DNAH9: variants seen among roughly 807,000 people sequenced by gnomAD.
DNAH9 encodes dynein axonemal heavy chain 9.
A neutral mutation model predicts 471.6 loss-of-function variants in DNAH9; 345 were observed. The observed-to-expected ratio is 0.73, with a 90% CI of 0.67 to 0.80. DNAH9 has a LOEUF of 0.80. Ranked by LOEUF, DNAH9 falls within the 30% of genes least tolerant of loss-of-function variation. The probability of loss-of-function intolerance (pLI) is 0.00; values close to 1 mark genes in which losing one functional copy is unlikely to be tolerated. For synonymous variants in DNAH9, 2,093 were observed against 2,123.6 expected (o/e 0.99, Z 0.40); for missense variants, 5,407 against 5,609.2 (o/e 0.96, Z 1.15).
chr17:11,969,317 G>C lies in DNAH9; in HGVS notation c.13251G>C (p.Glu4417Asp). The change falls in exon 69 of 69, where the codon GAG becomes GAC. Residue 4417 changes from glutamate to aspartate, a missense_variant. Transcript: ENST00000262442. ...ATCCTCAGGCTGGGATCATTACAGA[G>C]GCAAAGCTGAAGGATCTGACACCCC... ...CWDTQAGIIT[E>D]AKLKDLTPPM... 6.2e-7 allele frequency: 1 copy of C among 1,613,998 alleles called. No homozygotes were observed. The highest frequency in any genetic ancestry group is 8.5e-7 in the Non-Finnish European group (1 of 1,180,000).
intron 62 of DNAH9, among the ~76,000 whole-genome samples, chr17:11,929,479 G>A (rs1974435712): frequency 6.6e-6 from 1 of 152,148 alleles, no homozygotes; most frequent in Non-Finnish European, 1.5e-5. Flanking sequence ...ATTTTAAGAA[G>A]CCCTTCAGGT....
At chr17:11,704,493 G>C in intron 25 of DNAH9, 51 bp downstream of exon 25, 1 of 1,586,956 alleles carries the variant, frequency 6.3e-7, no homozygotes, top group Non-Finnish European at 8.6e-7. Flanking sequence ...GCTACACTGA[G>C]AACAGCACAT....
chr17:11,604,054 G>A (rs573953352), intron 1 of DNAH9, among the ~76,000 whole-genome samples: 21 of 148,296 alleles, frequency 1.4e-4, no homozygotes, highest in African/African-American at 4.5e-4. Flanking sequence ...ATGAAGTCTC[G>A]CACTGTCACC....
intron 28 of DNAH9, among the ~76,000 whole-genome samples, chr17:11,738,318 T>G (rs1233835475): frequency 6.6e-6 from 1 of 152,186 alleles, no homozygotes; most frequent in Non-Finnish European, 1.5e-5. Context: ...AAACACCTGT[T>G]TGCTGTTCCC....
At chr17:11,838,848 G>A (rs8081898) in intron 49 of DNAH9, among the ~76,000 whole-genome samples, 73,934 of 151,950 alleles carry the variant, frequency 0.49, 18,730 homozygotes, top group African/African-American at 0.6. Flanking sequence ...CTCCTCGACT[G>A]TCTTTAAACC....
chr17:11,832,557 C>G (rs562117506), intron 48 of DNAH9, among the ~76,000 whole-genome samples: 5 of 152,350 alleles, frequency 3.3e-5, no homozygotes, highest in Non-Finnish European at 2.9e-5. Context: ...TTCTAGGGAG[C>G]AGGCCTCCGT....
chr17:11,854,887 G>C (rs1379680045), intron 50 of DNAH9, among the ~76,000 whole-genome samples: 1 of 152,106 alleles, frequency 6.6e-6, no homozygotes, highest in African/African-American at 2.4e-5. Context: ...TGACTTAGTG[G>C]GTGGCCCCTA....
chr17:11,740,331 G>A (rs1050207138), intron 29 of DNAH9, among the ~76,000 whole-genome samples: 11 of 152,162 alleles, frequency 7.2e-5, no homozygotes, highest in Admixed American at 1.3e-4. Flanking sequence ...CAGACTGGGC[G>A]GCCTAAACAG....
At position 11,682,228 on chromosome 17, in the gene DNAH9, T is replaced by C. The variant is rs1389839081; in HGVS notation, c.3743+1339T>C. 2.0e-5 allele frequency among the ~76,000 whole-genome samples: 3 copies of C among 152,164 alleles called. No homozygotes were observed. In the East Asian group the frequency reaches 5.9e-4, roughly 30 times the overall value. On this transcript the variant is annotated intron_variant, in intron 19 of 68. Coordinates refer to ENST00000262442, the MANE Select transcript of DNAH9 (RefSeq NM_001372.4). ...CTCTTAACATACTCATCTTACTCTC[T>C]GTAACTCCAAGCATAATGCTTGGGA... is the stretch of plus-strand genomic sequence containing the variant.
chr17:11,930,110 G>A lies in DNAH9; in HGVS notation c.12105+17G>A. The A allele has an allele frequency of 1.2e-6, 2 of 1,605,724 alleles. No individual in the cohort carries two copies. Among genetic ancestry groups the A allele is most frequent in the Non-Finnish European group, 1.7e-6 (2 of 1,174,728 alleles). ...TTCACTCAGGTACGGCCCCGGGAGG[G>A]AGGCAAAAACAGCAGCACACCTCAC... is the stretch of plus-strand genomic sequence containing the variant. On this transcript the variant is annotated intron_variant, in intron 63 of 68. Coordinates refer to ENST00000262442, the MANE Select transcript of DNAH9 (RefSeq NM_001372.4).
chr17:11,749,466 T>A (rs1054985403), intron 32 of DNAH9, among the ~76,000 whole-genome samples: 1 of 152,056 alleles, frequency 6.6e-6, no homozygotes, highest in African/African-American at 2.4e-5. Flanking sequence ...CTATTCTTTG[T>A]CTATAGACAC....
chr17:11,703,116 A>G (rs2074633709), intron 24 of DNAH9, among the ~76,000 whole-genome samples: 1 of 151,840 alleles, frequency 6.6e-6, no homozygotes, highest in African/African-American at 2.4e-5. Context: ...AGAAAAGAAA[A>G]GAAAGTATTC....
At chr17:11,736,928 T>C (rs1315118046) in intron 28 of DNAH9, among the ~76,000 whole-genome samples, 2 of 152,310 alleles carry the variant, frequency 1.3e-5, no homozygotes, top group Middle Eastern at 6.8e-3. Context: ...CACTCCCTAA[T>C]AAGGCGAGTG....
At chr17:11,863,346 C>A (rs1294617033) in intron 50 of DNAH9, among the ~76,000 whole-genome samples, 3 of 152,068 alleles carry the variant, frequency 2.0e-5, no homozygotes, top group African/African-American at 7.2e-5. Context: ...TATATTGAAC[C>A]AGCCTTGCAT....
intron 62 of DNAH9, among the ~76,000 whole-genome samples, chr17:11,929,091 G>GTGGC (rs1974420824): frequency 7.0e-6 from 1 of 143,238 alleles, no homozygotes. Flanking sequence ...CTGGAGTGCA[G>GTGGC]TGGCGTGATC....
chr17:11,704,939 A>T, intron 25 of DNAH9, 86 bp from the exon 26 acceptor site: 1 of 1,105,362 alleles, frequency 9.0e-7, no homozygotes, highest in Non-Finnish European at 1.4e-6. Context: ...GTCAACAGCC[A>T]AGGCATCAGA....
At chr17:11,933,529 C>T (rs1169374855) in intron 64 of DNAH9, among the ~76,000 whole-genome samples, 3 of 151,932 alleles carry the variant, frequency 2.0e-5, no homozygotes, top group Non-Finnish European at 4.4e-5. Context: ...TACAGGCATG[C>T]ACCACCACAC....
Position 11,926,864 on chromosome 17 carries a change from A to T in DNAH9, c.11877+2923A>T, listed in dbSNP as rs537909519. On this transcript the variant is annotated intron_variant, in intron 62 of 68. Coordinates refer to ENST00000262442, the MANE Select transcript of DNAH9 (RefSeq NM_001372.4). ...TTCCACAACGGTTGAACTAATTTAC[A>T]CTCCCACCAACAGCATAAAAGGGTT... is the stretch of plus-strand genomic sequence containing the variant. Among the ~76,000 whole-genome samples, 9 of 152,110 alleles carry T rather than the reference A, an allele frequency of 5.9e-5. No individual in the cohort carries two copies. In the South Asian group the frequency reaches 1.9e-3, roughly 32 times the overall value.
At chr17:11,777,801 C>G (rs991713940) in intron 38 of DNAH9, among the ~76,000 whole-genome samples, 1 of 152,202 alleles carries the variant, frequency 6.6e-6, no homozygotes, top group Non-Finnish European at 1.5e-5. Flanking sequence ...AAAGACAGCT[C>G]TCTCCCACCT....
Sources: gnomAD v4.1 joint callset for allele counts (sites outside exome capture counted in the v4.1 genomes callset) on GRCh38, gnomAD v4.1.1 for gene constraint, MANE v1.5 for transcripts, NCBI Gene and HGNC (gene_info 2026-07-23, HGNC 2026-07-21) for gene names.